Variants in ERC2 observed in about 807,000 individuals in gnomAD.
ERC2 encodes ELKS/RAB6-interacting/CAST family member 2, also known as ERC protein 2.
A neutral mutation model predicts 114.8 loss-of-function variants in ERC2; 42 were observed. The observed-to-expected ratio is 0.37, with a 90% CI of 0.29 to 0.47. The LOEUF (loss-of-function observed/expected upper bound fraction) is 0.47. Among genes scored for constraint, ERC2 ranks in the 20% least tolerant of loss-of-function variants. ERC2 has a pLI of 0.99. For synonymous variants in ERC2, 454 were observed against 425.5 expected (o/e 1.07, Z -0.82); for missense variants, 939 against 1,150.7 (o/e 0.82, Z 2.66).
intron 17 of ERC2, among the ~76,000 whole-genome samples, chr3:55,609,637 A>T (rs1239736346): frequency 3.3e-5 from 5 of 151,930 alleles, no homozygotes; most frequent in African/African-American, 1.2e-4. Flanking sequence ...CGCCACCTAC[A>T]GCTTGGGTAG....
intron 2 of ERC2, among the ~76,000 whole-genome samples, chr3:56,376,806 G>A (rs1215657621): frequency 2.0e-5 from 3 of 151,946 alleles, no homozygotes; most frequent in African/African-American, 7.3e-5. Flanking sequence ...TCCCTCTTTT[G>A]GCAATGAGCT....
At chr3:55,819,826 A>C (rs1372157381) in intron 14 of ERC2, among the ~76,000 whole-genome samples, 1 of 152,248 alleles carries the variant, frequency 6.6e-6, no homozygotes, top group Non-Finnish European at 1.5e-5. Flanking sequence ...AACCTGGGAA[A>C]CATGAACCTT....
chr3:55,564,167 T>C (rs2056215200), intron 17 of ERC2, among the ~76,000 whole-genome samples: 1 of 152,092 alleles, frequency 6.6e-6, no homozygotes, highest in South Asian at 2.1e-4. Context: ...AGCAATGGGG[T>C]GGATGTCTGC....
At chr3:56,186,574 C>G (rs541175726) in intron 3 of ERC2, among the ~76,000 whole-genome samples, 7 of 152,244 alleles carry the variant, frequency 4.6e-5, no homozygotes, top group African/African-American at 1.7e-4. Flanking sequence ...TCTTGTTGCC[C>G]AGGCTGGAGT....
In ERC2 at chr3:56,148,507, G is replaced by A. The variant is rs1011208623; in HGVS notation, c.1305+470C>T. The stretch of plus-strand genomic sequence containing the variant: ...TCACCACGTTAGCCAGGCCGGTCTC[G>A]AACTCCTGACCTCAGCTGATCTGCC... On this transcript the variant is annotated intron_variant, in intron 5 of 17. Transcript: ENST00000288221. 6.6e-5 allele frequency among the ~76,000 whole-genome samples: 10 copies of A among 152,058 alleles called. No homozygotes were observed. The South Asian group carries it at 8.3e-4, about 13-fold the overall frequency.
chr3:55,840,029 A>T (rs966509848), intron 14 of ERC2, among the ~76,000 whole-genome samples: 1 of 152,026 alleles, frequency 6.6e-6, no homozygotes, highest in Non-Finnish European at 1.5e-5. Context: ...ATCAAAAGAA[A>T]ACTGGAGTGG....
intron 13 of ERC2, among the ~76,000 whole-genome samples, chr3:55,900,980 T>C (rs975948781): frequency 2.6e-5 from 4 of 152,322 alleles, no homozygotes; most frequent in Non-Finnish European, 5.9e-5. Flanking sequence ...GTAAGACTGA[T>C]TGTTGAATAC....
chr3:56,138,833 A>T (rs1287208578), intron 6 of ERC2, among the ~76,000 whole-genome samples: 3 of 152,230 alleles, frequency 2.0e-5, no homozygotes, highest in Non-Finnish European at 1.5e-5. Flanking sequence ...CCAAAGATGT[A>T]ATCCAAGGAG....
chr3:56,271,945 G>A (rs1482402933), intron 3 of ERC2, among the ~76,000 whole-genome samples: 1 of 152,174 alleles, frequency 6.6e-6, no homozygotes, highest in Admixed American at 6.5e-5. Flanking sequence ...TTATGGCTGT[G>A]TAGTATTCTG....
intron 6 of ERC2, among the ~76,000 whole-genome samples, chr3:56,096,904 T>C (rs372727749): frequency 1.3e-5 from 2 of 152,196 alleles, no homozygotes; most frequent in Admixed American, 6.5e-5. Flanking sequence ...TTCAAAAGAA[T>C]GAAAACATGT....
intron 1 of ERC2, among the ~76,000 whole-genome samples, chr3:56,464,718 C>T (rs1333266793): frequency 6.6e-6 from 1 of 152,064 alleles, no homozygotes; most frequent in East Asian, 1.9e-4. Flanking sequence ...AATATTGGTG[C>T]TTTTCTGTGC....
chr3:56,175,729 CCCCCA>C (rs1431078806), intron 3 of ERC2, among the ~76,000 whole-genome samples: 1 of 152,140 alleles, frequency 6.6e-6, no homozygotes, highest in African/African-American at 2.4e-5. Flanking sequence ...CACAATAGCA[CCCCCA>C]TTGTATGGTA....
intron 14 of ERC2, among the ~76,000 whole-genome samples, chr3:55,821,535 G>A (rs541250828): frequency 1.3e-5 from 2 of 152,320 alleles, no homozygotes; most frequent in African/African-American, 4.8e-5. Context: ...TGTTGAGATT[G>A]AAACAGAAGA....
chr3:56,108,679 T>C (rs781157338), intron 6 of ERC2, among the ~76,000 whole-genome samples: 2 of 152,268 alleles, frequency 1.3e-5, no homozygotes, highest in African/African-American at 2.4e-5. Flanking sequence ...ATGTACCCTA[T>C]AGATGATTCT....
At chr3:56,056,324 T>A (rs1033922665) in intron 7 of ERC2, among the ~76,000 whole-genome samples, 3 of 152,212 alleles carry the variant, frequency 2.0e-5, no homozygotes, top group Non-Finnish European at 4.4e-5. Context: ...CTTTATAGTT[T>A]CCTCAATGTC....
At chr3:55,773,245 G>T (rs1339418912) in intron 14 of ERC2, among the ~76,000 whole-genome samples, 4 of 152,142 alleles carry the variant, frequency 2.6e-5, no homozygotes, top group Non-Finnish European at 5.9e-5. Context: ...AGGCTTCCTG[G>T]CTGGTCCCAC....
At chr3:56,087,527 G>A (rs2077567345) in intron 6 of ERC2, among the ~76,000 whole-genome samples, 1 of 152,026 alleles carries the variant, frequency 6.6e-6, no homozygotes, top group South Asian at 2.1e-4. Context: ...AGTGCTACTT[G>A]ATGTGCCATA....
intron 2 of ERC2, among the ~76,000 whole-genome samples, chr3:56,412,589 C>T (rs527458732): frequency 6.6e-6 from 1 of 152,306 alleles, no homozygotes; most frequent in Non-Finnish European, 1.5e-5. Flanking sequence ...TATCTCATAT[C>T]TACCACTTTG....
At chr3:56,271,587 T>G (rs528918070) in intron 3 of ERC2, among the ~76,000 whole-genome samples, 75 of 152,320 alleles carry the variant, frequency 4.9e-4, no homozygotes, top group African/African-American at 1.6e-3. Flanking sequence ...TAGCATTAGC[T>G]ATTATCTCCA....
Sources: allele counts gnomAD v4.1 joint callset (sites outside exome capture counted in the v4.1 genomes callset), GRCh38; gene constraint gnomAD v4.1.1; transcripts MANE v1.5; gene names NCBI Gene and HGNC (gene_info 2026-07-23, HGNC 2026-07-21).